Variants in MAP2K5 observed in about 807,000 individuals in gnomAD.
MAP2K5 encodes dual specificity mitogen-activated protein kinase kinase 5.
In MAP2K5, 49 loss-of-function variants were observed where a neutral mutation model predicts 83.1. The observed-to-expected ratio is 0.59, with a 90% CI of 0.47 to 0.75. The LOEUF is 0.75. MAP2K5 is among the 30% of genes least tolerant of loss of function. MAP2K5 has a pLI of 0.00. For missense variants in MAP2K5, 457 were observed against 557.5 expected (o/e 0.82, Z 1.82); for synonymous variants, 202 against 191.8 (o/e 1.05, Z -0.44).
At chr15:67,707,620 C>T (rs2088589016) in intron 16 of MAP2K5, among the ~76,000 whole-genome samples, 1 of 152,162 alleles carries the variant, frequency 6.6e-6, no homozygotes, top group South Asian at 2.1e-4. Flanking sequence ...GAAAGATACC[C>T]AAAGCCCAGA....
intron 1 of MAP2K5, among the ~76,000 whole-genome samples, chr15:67,548,222 A>T (rs1192704563): frequency 6.6e-6 from 1 of 152,204 alleles, no homozygotes; most frequent in Non-Finnish European, 1.5e-5. Flanking sequence ...ACATCTCAAG[A>T]TCGGAGTTTC....
intron 19 of MAP2K5, among the ~76,000 whole-genome samples, chr15:67,756,486 G>A (rs1158382230): frequency 6.7e-6 from 1 of 148,530 alleles, no homozygotes; most frequent in Non-Finnish European, 1.5e-5. Flanking sequence ...CCACAATCAA[G>A]CTAATATATC....
At chr15:67,596,129 C>T (rs1350791617) in intron 7 of MAP2K5, among the ~76,000 whole-genome samples, 3 of 152,058 alleles carry the variant, frequency 2.0e-5, no homozygotes, top group Admixed American at 2.0e-4. Context: ...TTCAAAAAGC[C>T]TCTAGAAAAA....
At chr15:67,725,198 G>A (rs2089061671) in intron 16 of MAP2K5, among the ~76,000 whole-genome samples, 2 of 152,118 alleles carry the variant, frequency 1.3e-5, no homozygotes, top group Admixed American at 6.6e-5. Context: ...GTCTTGCATG[G>A]CATTGTCTTA....
chr15:67,575,959 G>A (rs1261811643), intron 3 of MAP2K5, among the ~76,000 whole-genome samples: 8 of 110,590 alleles, frequency 7.2e-5, no homozygotes, highest in East Asian at 5.0e-4. Context: ...TTGCTGTGTC[G>A]CCCAGGCTGG....
At chr15:67,582,254 G>A (rs2085195248) in intron 4 of MAP2K5, among the ~76,000 whole-genome samples, 1 of 151,836 alleles carries the variant, frequency 6.6e-6, no homozygotes, top group Non-Finnish European at 1.5e-5. Flanking sequence ...CAGAGACAGG[G>A]TTTTACCATG....
intron 16 of MAP2K5, among the ~76,000 whole-genome samples, chr15:67,705,218 GT>G (rs1480030986): frequency 1.3e-5 from 2 of 152,278 alleles, no homozygotes; most frequent in South Asian, 4.2e-4. Flanking sequence ...ACATATAAAT[GT>G]TCACTATTCA....
chr15:67,591,372 TTTA>T (rs572288335), intron 6 of MAP2K5, among the ~76,000 whole-genome samples: 2 of 149,630 alleles, frequency 1.3e-5, no homozygotes, highest in Non-Finnish European at 3.0e-5. Flanking sequence ...GTTAACAGGC[TTTA>T]TTATTATTAT....
intron 15 of MAP2K5, among the ~76,000 whole-genome samples, chr15:67,697,681 G>A (rs537968342): frequency 4.3e-4 from 66 of 152,230 alleles, no homozygotes; most frequent in Non-Finnish European, 4.0e-4. Flanking sequence ...TTAACTTTTC[G>A]TATTAAGAAT....
At chr15:67,645,338 G>A (rs960052212) in intron 9 of MAP2K5, among the ~76,000 whole-genome samples, 2 of 151,764 alleles carry the variant, frequency 1.3e-5, no homozygotes, top group African/African-American at 4.8e-5. Flanking sequence ...AAATTAGCTG[G>A]GTATGGTGGC....
At chr15:67,725,698 C>CA (rs2089075665) in intron 16 of MAP2K5, among the ~76,000 whole-genome samples, 1 of 152,124 alleles carries the variant, frequency 6.6e-6, no homozygotes, top group Admixed American at 6.5e-5. Context: ...TTTCTAACTC[C>CA]AAATGGAAGT....
chr15:67,658,031 CTATA>C (rs1178526307), intron 11 of MAP2K5, among the ~76,000 whole-genome samples: 1 of 151,952 alleles, frequency 6.6e-6, no homozygotes, highest in African/African-American at 2.4e-5. Flanking sequence ...AACTGAAAGA[CTATA>C]TACCTCAATT....
intron 19 of MAP2K5, among the ~76,000 whole-genome samples, chr15:67,751,746 G>A (rs1343291102): frequency 6.6e-6 from 1 of 152,186 alleles, no homozygotes; most frequent in Non-Finnish European, 1.5e-5. Flanking sequence ...GGTACTGAAC[G>A]TAAACTTTGA....
At chr15:67,650,045 G>T (rs1382313329) in intron 11 of MAP2K5, among the ~76,000 whole-genome samples, 1 of 151,938 alleles carries the variant, frequency 6.6e-6, no homozygotes, top group Non-Finnish European at 1.5e-5. Flanking sequence ...ATAATTTTTA[G>T]GGTATAAGTG....
chr15:67,609,194 G>A (rs12593494), intron 8 of MAP2K5, among the ~76,000 whole-genome samples: 104,148 of 151,870 alleles, frequency 0.69, 36,572 homozygotes, highest in Middle Eastern at 0.81. Flanking sequence ...AAAACCTTAT[G>A]TCAGGTGTTG....
chr15:67,734,389 GACTGTCTTTTAA>G (rs1158376438), intron 17 of MAP2K5, among the ~76,000 whole-genome samples: 3 of 152,128 alleles, frequency 2.0e-5, no homozygotes, highest in African/African-American at 7.2e-5. Context: ...TCAATTGACA[GACTGTCTTTTAA>G]ACATTCATTT....
At chr15:67,585,526 T>G (rs1271424755) in intron 4 of MAP2K5, among the ~76,000 whole-genome samples, 1 of 152,184 alleles carries the variant, frequency 6.6e-6, no homozygotes, top group Non-Finnish European at 1.5e-5. Flanking sequence ...ATCCCTTAGC[T>G]CTTTTCAAAG....
At chr15:67,557,317 A>G (rs747131822) in intron 2 of MAP2K5, among the ~76,000 whole-genome samples, 9 of 152,246 alleles carry the variant, frequency 5.9e-5, no homozygotes, top group Non-Finnish European at 1.0e-4. Flanking sequence ...ATGCATTTTA[A>G]GTCCATGTAG....
intron 11 of MAP2K5, among the ~76,000 whole-genome samples, chr15:67,647,192 A>G (rs2086849201): frequency 6.6e-6 from 1 of 152,202 alleles, no homozygotes; most frequent in Non-Finnish European, 1.5e-5. Flanking sequence ...TTCTCAGTAC[A>G]TTACTAAAGC....
Sources: allele counts gnomAD v4.1 joint callset (sites outside exome capture counted in the v4.1 genomes callset), GRCh38; gene constraint gnomAD v4.1.1; transcripts MANE v1.5; gene names NCBI Gene and HGNC (gene_info 2026-07-23, HGNC 2026-07-21).